Variants in PLXNA4 observed in about 807,000 individuals in gnomAD.
PLXNA4 encodes plexin A4.
Under a neutral mutation model 191.8 loss-of-function variants are expected in PLXNA4, and 44 were observed. That is an observed-to-expected ratio of 0.23 (90% confidence interval 0.18 to 0.29). PLXNA4 has a LOEUF of 0.29. PLXNA4 is among the 10% of genes least tolerant of loss of function. The pLI, the probability that PLXNA4 is intolerant of heterozygous loss-of-function variation, is 1.00. For synonymous variants in PLXNA4, 1,082 were observed against 1,009.5 expected, an observed-to-expected ratio of 1.07 and a Z score of -1.36; for missense variants, 1,800 against 2,488.8, an observed-to-expected ratio of 0.72 and a Z score of 5.89.
chr7:132,631,699 A>C (rs1486255330), intron 2 of PLXNA4, among the ~76,000 whole-genome samples: 1 of 152,108 alleles, frequency 6.6e-6, no homozygotes, highest in East Asian at 1.9e-4. Flanking sequence ...ACCATCCCCC[A>C]ACCCCATGGT....
intron 2 of PLXNA4, among the ~76,000 whole-genome samples, chr7:132,638,341 A>G (rs952625640): frequency 2.6e-5 from 4 of 152,202 alleles, no homozygotes; most frequent in Non-Finnish European, 5.9e-5. Flanking sequence ...AGACAATCTC[A>G]GTAAAACTCC....
At chr7:132,164,747 C>T (rs997578596) in intron 23 of PLXNA4, among the ~76,000 whole-genome samples, 1 of 152,252 alleles carries the variant, frequency 6.6e-6, no homozygotes, top group Non-Finnish European at 1.5e-5. Context: ...CCGCAACATG[C>T]GGCTTCTGCA....
chr7:132,205,998 G>T (rs1797603818), intron 10 of PLXNA4, among the ~76,000 whole-genome samples: 1 of 152,176 alleles, frequency 6.6e-6, no homozygotes, highest in Non-Finnish European at 1.5e-5. Flanking sequence ...CTGACTTGAG[G>T]AGACGTTAGC....
chr7:132,409,583 AC>A (rs1794366115), intron 3 of PLXNA4, among the ~76,000 whole-genome samples: 1 of 151,924 alleles, frequency 6.6e-6, no homozygotes, highest in Non-Finnish European at 1.5e-5. Flanking sequence ...CCAGCTCCCC[AC>A]CCTGGATGAG....
At chr7:132,312,886 G>C (rs1801800074) in intron 3 of PLXNA4, among the ~76,000 whole-genome samples, 1 of 152,138 alleles carries the variant, frequency 6.6e-6, no homozygotes, top group Admixed American at 6.5e-5. Context: ...ATTTACATGA[G>C]GGGTCCATGG....
intron 1 of PLXNA4, among the ~76,000 whole-genome samples, chr7:132,534,066 C>T (rs1167200053): frequency 1.3e-5 from 2 of 152,006 alleles, no homozygotes; most frequent in Non-Finnish European, 2.9e-5. Context: ...TGAGAACTCC[C>T]AAGGCCAGCA....
chr7:132,450,564 C>T (rs991488002), intron 3 of PLXNA4, among the ~76,000 whole-genome samples: 1 of 152,208 alleles, frequency 6.6e-6, no homozygotes, highest in Non-Finnish European at 1.5e-5. Flanking sequence ...TCCTCTCCAA[C>T]TCCTTGGTCA....
rs546676484 is a variant in PLXNA4, at chr7:132,130,392, C to A, written c.*87G>T. ...CTCAGGGGATGCTGCTGATGCCAGT[C>A]GGAACTTGCACTTGGTAAAGATGAT... On this transcript the variant is annotated 3_prime_UTR_variant, in exon 32 of 32. Transcript: ENST00000321063. The A allele has an allele frequency of 1.9e-6, 3 of 1,584,074 alleles. No individual in the cohort carries two copies. The highest frequency in any genetic ancestry group is 2.2e-5 in the South Asian group (2 of 89,470).
At chr7:132,534,513 G>A (rs1195058299) in intron 1 of PLXNA4, among the ~76,000 whole-genome samples, 1 of 152,134 alleles carries the variant, frequency 6.6e-6, no homozygotes, top group Non-Finnish European at 1.5e-5. Context: ...CTGTCCACGG[G>A]TGCCTGCCCG....
intron 1 of PLXNA4, among the ~76,000 whole-genome samples, chr7:132,515,379 CA>C (rs1390363557): frequency 1.3e-5 from 2 of 152,008 alleles, no homozygotes; most frequent in Non-Finnish European, 2.9e-5. Context: ...TTACGCAAGT[CA>C]AAAAAAATTT....
chr7:132,497,335 C>T (rs190787909), intron 2 of PLXNA4, among the ~76,000 whole-genome samples: 80 of 152,278 alleles, frequency 5.3e-4, no homozygotes, highest in Admixed American at 1.0e-3. Context: ...TATTGGGAAC[C>T]GTATCTCAAA....
intron 31 of PLXNA4, among the ~76,000 whole-genome samples, chr7:132,132,231 T>C (rs1794949113): frequency 6.6e-6 from 1 of 152,132 alleles, no homozygotes; most frequent in Non-Finnish European, 1.5e-5. Flanking sequence ...CTGAGGGGCC[T>C]CTCTCTCCCA....
At chr7:132,266,314 A>G (rs1006536065) in intron 4 of PLXNA4, 2 of 152,190 alleles carry the variant, frequency 1.3e-5, no homozygotes, top group African/African-American at 4.8e-5. Context: ...CTTTTAAAAC[A>G]TTACTGTGAA....
chr7:132,534,183 G>C (rs1412465422), intron 1 of PLXNA4, among the ~76,000 whole-genome samples: 1 of 152,106 alleles, frequency 6.6e-6, no homozygotes, highest in Admixed American at 6.5e-5. Flanking sequence ...CAGAAAGCCG[G>C]TCAGCTTCAA....
At chr7:132,229,013 C>T (rs760964192) in intron 5 of PLXNA4, among the ~76,000 whole-genome samples, 28 of 152,138 alleles carry the variant, frequency 1.8e-4, no homozygotes, top group Admixed American at 1.0e-3. Flanking sequence ...CATAGCACCT[C>T]GGAGTCTCCT....
At chr7:132,258,222 G>C (rs1334930996) in intron 4 of PLXNA4, among the ~76,000 whole-genome samples, 2 of 152,258 alleles carry the variant, frequency 1.3e-5, no homozygotes, top group African/African-American at 4.8e-5. Flanking sequence ...TCTGAAAACA[G>C]TGCAGACCAA....
At chr7:132,434,728 T>G (rs1795403407) in intron 3 of PLXNA4, among the ~76,000 whole-genome samples, 1 of 152,200 alleles carries the variant, frequency 6.6e-6, no homozygotes, top group Non-Finnish European at 1.5e-5. Context: ...ATGAATGATG[T>G]TATCCTAAGT....
At chr7:132,623,689 T>C (rs868442974) in intron 2 of PLXNA4, among the ~76,000 whole-genome samples, 2 of 152,140 alleles carry the variant, frequency 1.3e-5, no homozygotes, top group African/African-American at 4.8e-5. Flanking sequence ...TGTGAGTTTC[T>C]CCCTGGGACC....
chr7:132,286,248 T>C (rs1800678419), intron 4 of PLXNA4, among the ~76,000 whole-genome samples: 1 of 152,140 alleles, frequency 6.6e-6, no homozygotes, highest in South Asian at 2.1e-4. Context: ...GTGTGGGGCA[T>C]GCAGTGGGCG....
Sources: allele counts gnomAD v4.1 joint callset (sites outside exome capture counted in the v4.1 genomes callset), GRCh38; gene constraint gnomAD v4.1.1; transcripts MANE v1.5; gene names NCBI Gene and HGNC (gene_info 2026-07-23, HGNC 2026-07-21).